KIAA1549L: variants seen among roughly 807,000 people sequenced by gnomAD.
The protein encoded by KIAA1549L is KIAA1549 like.
A neutral mutation model predicts 160.7 loss-of-function variants in KIAA1549L; 88 were observed. The ratio of observed to expected loss-of-function variants is 0.55; its 90% confidence interval spans 0.46 to 0.65. The LOEUF is 0.65. KIAA1549L is among the 30% of genes least tolerant of loss of function. KIAA1549L has a pLI of 0.00. For missense variants in KIAA1549L, 2,258 were observed against 2,437.5 expected (o/e 0.93, Z 1.55); for synonymous variants, 950 against 976.7 (o/e 0.97, Z 0.51).
At position 33,618,616 on chromosome 11, in the gene KIAA1549L, T is replaced by C; in HGVS notation, c.5363T>C (p.Val1788Ala). Reference sequence around the variant, plus strand: ...GGGGAAACCGAGATGGACCTTCTGGTGACTCGGGAGCGACCCCGGCGTGGA... The same window carrying C: ...GGGGAAACCGAGATGGACCTTCTGGCGACTCGGGAGCGACCCCGGCGTGGA... ...SPGETEMDLL[V>A]TRERPRRGIR... is the part of the protein sequence containing the mutation. The change falls in exon 16 of 21, where the codon GTG becomes GCG. Residue 1788 changes from valine (V) to alanine (A), a missense_variant. This residue lies in a region of KIAA1549L where 1,359 missense variants were observed against 1,546.6 expected (regional missense o/e 0.88). Transcript: ENST00000658780. 6.2e-7 allele frequency: 1 copy of C among 1,607,470 alleles called. No homozygotes were observed. The highest frequency in any genetic ancestry group is 8.5e-7 in the Non-Finnish European group (1 of 1,176,474).
At chr11:33,379,689 C>A (rs1850034360) in intron 1 of KIAA1549L, among the ~76,000 whole-genome samples, 1 of 152,190 alleles carries the variant, frequency 6.6e-6, no homozygotes, top group South Asian at 2.1e-4. Context: ...GTCTGGGTCT[C>A]AGTTCTCTCA....
intron 1 of KIAA1549L, among the ~76,000 whole-genome samples, chr11:33,454,993 G>GC (rs1488961050): frequency 6.6e-6 from 1 of 152,180 alleles, no homozygotes; most frequent in Non-Finnish European, 1.5e-5. Context: ...GGAGGCTGAG[G>GC]CAGGAGAATG....
rs1227308498 is a variant in KIAA1549L, at chr11:33,568,080, G to T, written c.4083G>T (p.Leu1361=). ...TTRDYWVITV[L]QGVDNSLVGL... ...CTCTGCCTTCTGCATCCACAGTGCTGCAGGGTGTGGACAATTCGCTGGTGG... is the reference window on the plus strand; with the variant it reads ...CTCTGCCTTCTGCATCCACAGTGCTTCAGGGTGTGGACAATTCGCTGGTGG... The change falls in exon 9 of 21, where the codon CTG becomes CTT. Residue 1361 remains leucine, a synonymous_variant. Coordinates refer to ENST00000658780, the MANE Select transcript of KIAA1549L (RefSeq NM_012194.3). The T allele has an allele frequency of 2.5e-6, 4 of 1,609,176 alleles. No individual in the cohort carries two copies. The highest frequency in any genetic ancestry group is 3.4e-6 in the Non-Finnish European group (4 of 1,177,800).
chr11:33,535,323 T>C (rs547551717), intron 1 of KIAA1549L, among the ~76,000 whole-genome samples: 16 of 152,276 alleles, frequency 1.1e-4, no homozygotes, highest in African/African-American at 3.9e-4. Flanking sequence ...TGCGGTATTA[T>C]ATATGATCAT....
At chr11:33,649,773 G>A (rs533988973) in intron 17 of KIAA1549L, among the ~76,000 whole-genome samples, 6 of 149,274 alleles carry the variant, frequency 4.0e-5, no homozygotes, top group African/African-American at 1.5e-4. Context: ...TGCATCTGTA[G>A]TTCCAGCTAC....
chr11:33,431,929 C>T lies in KIAA1549L; in HGVS notation c.238+55040C>T, dbSNP rs144303390. Among the ~76,000 whole-genome samples the T allele has an allele frequency of 3.6e-3, 547 of 152,366 alleles. 4 individuals are homozygous for T. The highest frequency in any genetic ancestry group is 0.017 in the Middle Eastern group (5 of 294). ...AGGCCCGACGAGAAATCGAGCTCAG[C>T]GCTGGTGGGCTGGCACTGCTGGGGG... On this transcript the variant is annotated intron_variant, in intron 1 of 20. Transcript: ENST00000658780.
At chr11:33,571,794 T>C (rs1336735594) in intron 9 of KIAA1549L, among the ~76,000 whole-genome samples, 1 of 152,140 alleles carries the variant, frequency 6.6e-6, no homozygotes, top group African/African-American at 2.4e-5. Flanking sequence ...GTATTCATAC[T>C]ATATCATGAT....
Position 33,668,043 on chromosome 11 carries a change from G to A in KIAA1549L, c.6330G>A (p.Pro2110=), listed in dbSNP as rs755679206. ...ASQQSLAEND[P]SDAPLTNIST... is the part of the protein sequence containing the mutation. ...AGCAGAGCCTGGCAGAAAACGACCC[G>A]TCTGACGCTCCCCTGACCAACATCT... Residue 2110 remains proline (P), a synonymous_variant, in exon 21 of 21, where the codon CCG becomes CCA. Transcript: ENST00000658780. 87 of 1,613,900 alleles carry A rather than the reference G, an allele frequency of 5.4e-5. No individual in the cohort carries two copies. Among genetic ancestry groups the A allele is most frequent in the Admixed American group, 8.3e-5 (5 of 60,012 alleles).
chr11:33,384,891 C>T (rs1266032232), intron 1 of KIAA1549L, among the ~76,000 whole-genome samples: 1 of 149,964 alleles, frequency 6.7e-6, no homozygotes, highest in African/African-American at 2.4e-5. Flanking sequence ...ACTGTGTTCT[C>T]CCGGTCTGTG....
chr11:33,545,159 A>G lies in KIAA1549L; in HGVS notation c.3166A>G (p.Thr1056Ala). 6.2e-7 allele frequency: 1 copy of G among 1,613,840 alleles called. No homozygotes were observed. Among genetic ancestry groups the G allele is most frequent in the South Asian group, 1.1e-5 (1 of 91,066 alleles). ...CATGCACACCGGCCTCCCAAACCCCACCAACCTGGAGATGCCCAGAGCATC... is the reference window on the plus strand; with the variant it reads ...CATGCACACCGGCCTCCCAAACCCCGCCAACCTGGAGATGCCCAGAGCATC... ...QAMHTGLPNP[T>A]NLEMPRASTP... is the part of the protein sequence containing the mutation. The change falls in exon 3 of 21, where the codon ACC (threonine) becomes GCC (alanine). Residue 1056 changes from threonine (T) to alanine (A), a missense_variant. Coordinates refer to ENST00000658780, the MANE Select transcript of KIAA1549L (RefSeq NM_012194.3).
At chr11:33,441,675 G>A (rs1460857344) in intron 1 of KIAA1549L, among the ~76,000 whole-genome samples, 2 of 152,198 alleles carry the variant, frequency 1.3e-5, no homozygotes, top group African/African-American at 4.8e-5. Flanking sequence ...GGCCAGTGAT[G>A]ATGAGCATTT....
chr11:33,538,223 A>G (rs1250018734), intron 1 of KIAA1549L, among the ~76,000 whole-genome samples: 2 of 152,204 alleles, frequency 1.3e-5, no homozygotes, highest in Non-Finnish European at 2.9e-5. Flanking sequence ...AAACTGCCCC[A>G]ATGATTCAAT....
chr11:33,422,521 T>TCCCTTCC (rs1414087818), intron 1 of KIAA1549L, among the ~76,000 whole-genome samples: 2 of 21,446 alleles, frequency 9.3e-5, no homozygotes, highest in Admixed American at 4.6e-4. Context: ...CTCCCTCCCC[T>TCCCTTCC]CCCTTCCCCC....
chr11:33,456,617 G>T (rs1279388450), intron 1 of KIAA1549L, among the ~76,000 whole-genome samples: 4 of 152,158 alleles, frequency 2.6e-5, no homozygotes, highest in African/African-American at 9.6e-5. Context: ...TCACCATGTT[G>T]CCCAGGTTGG....
chr11:33,543,344 C>T lies in KIAA1549L; in HGVS notation c.1781C>T (p.Thr594Ile), dbSNP rs1854101564. 7 of 1,614,084 alleles carry T rather than the reference C, an allele frequency of 4.3e-6. No individual in the cohort carries two copies. In the African/African-American group the frequency reaches 5.3e-5, roughly 12 times the overall value. ...AGGAAAGAGGTTTTGAGTCTTCACACTGTAAATGGATTTGTCTCTGATTTC... is the reference window on the plus strand; with the variant it reads ...AGGAAAGAGGTTTTGAGTCTTCACATTGTAAATGGATTTGTCTCTGATTTC... ...FPRKEVLSLH[T>I]VNGFVSDFST... Residue 594 changes from threonine (T) to isoleucine (I), a missense_variant, in exon 2 of 21, where the codon ACT (threonine) becomes ATT (isoleucine). Coordinates refer to ENST00000658780, the MANE Select transcript of KIAA1549L (RefSeq NM_012194.3).
At chr11:33,431,837 G>A (rs1433613577) in intron 1 of KIAA1549L, among the ~76,000 whole-genome samples, 4 of 152,234 alleles carry the variant, frequency 2.6e-5, no homozygotes, top group African/African-American at 4.8e-5. Context: ...AGGAACCCAG[G>A]GAGGCCGGGG....
At chr11:33,553,454 G>T (rs1299165963) in intron 6 of KIAA1549L, among the ~76,000 whole-genome samples, 3 of 152,128 alleles carry the variant, frequency 2.0e-5, no homozygotes, top group Admixed American at 6.5e-5. Context: ...TAGACCCAGT[G>T]GTTTTAAAAT....
chr11:33,519,136 A>G (rs1853423350), intron 1 of KIAA1549L, among the ~76,000 whole-genome samples: 1 of 152,204 alleles, frequency 6.6e-6, no homozygotes, highest in African/African-American at 2.4e-5. Flanking sequence ...GTTAGCATGA[A>G]AAATAACCAG....
rs1178089223 is a variant in KIAA1549L, at chr11:33,541,804, A to G, written c.241A>G (p.Thr81Ala). 4 of 264,662 alleles carry G rather than the reference A, an allele frequency of 1.5e-5. No individual in the cohort carries two copies. The highest frequency in any genetic ancestry group is 4.2e-5 in the South Asian group (1 of 24,002). 16.4% of individuals were successfully genotyped at this position (264,662 alleles called of 1,614,324 possible). The change falls in exon 2 of 21, where the codon ACA (threonine) becomes GCA (alanine). Residue 81 changes from threonine to alanine, a missense_variant and splice_region_variant. Physicochemically the swap from Thr to Ala is moderately conservative, Grantham distance 58. Transcript: ENST00000658780. ...CGGCCTGATATTTTGTTTCACAGGAACAGACAATCTACAGATGAATGTCAC... is the reference window on the plus strand; with the variant it reads ...CGGCCTGATATTTTGTTTCACAGGAGCAGACAATCTACAGATGAATGTCAC... Reference protein sequence around the residue: ...LLEHGQADPGTDNLQMNVTRT... With the variant: ...LLEHGQADPGADNLQMNVTRT...
Sources: allele counts gnomAD v4.1 joint callset (sites outside exome capture counted in the v4.1 genomes callset), GRCh38; gene constraint gnomAD v4.1.1; regional missense constraint gnomAD v4.1.1; transcripts MANE v1.5; gene names NCBI Gene and HGNC (gene_info 2026-07-23, HGNC 2026-07-21).